Variants in STXBP5L observed in about 807,000 individuals in gnomAD.
The protein encoded by STXBP5L is syntaxin-binding protein 5-like.
Under a neutral mutation model 144.5 loss-of-function variants are expected in STXBP5L, and 65 were observed. The ratio of observed to expected loss-of-function variants is 0.45; its 90% CI spans 0.37 to 0.55. The LOEUF (loss-of-function observed/expected upper bound fraction) is 0.55, where lower values mean the gene tolerates loss of function less well. Among genes scored for constraint, STXBP5L ranks in the 20% least tolerant of loss-of-function variants. The pLI is 0.00. For synonymous variants in STXBP5L, 505 were observed against 469.6 expected (o/e 1.08, Z -0.97); for missense variants, 1,298 against 1,405.5 (o/e 0.92, Z 1.22).
At chr3:120,997,721 T>C (rs1286851259) in intron 3 of STXBP5L, among the ~76,000 whole-genome samples, 2 of 152,186 alleles carry the variant, frequency 1.3e-5, no homozygotes, top group Non-Finnish European at 2.9e-5. Context: ...TCTCATTCTG[T>C]AGATTGTCTG....
intron 3 of STXBP5L, among the ~76,000 whole-genome samples, chr3:121,034,852 T>A (rs1946645577): frequency 6.6e-6 from 1 of 152,178 alleles, no homozygotes; most frequent in South Asian, 2.1e-4. Flanking sequence ...AATGTGTAAG[T>A]GTTCCCTTTC....
Position 121,082,362 on chromosome 3 carries a change from TGTGAGTG to T in STXBP5L, c.471-32560_471-32554del, listed in dbSNP as rs143445781. Among the ~76,000 whole-genome samples the T allele has an allele frequency of 2.4e-3, 365 of 152,302 alleles. 7 individuals are homozygous for T. The East Asian group carries it at 0.06, about 25-fold the overall frequency. The stretch of plus-strand genomic sequence containing the variant: ...ATCTATACCTATGTATTTTTTTGAT[TGTGAGTG>T]GTATTTTTAAATTTTGTTTGGCACA... On this transcript the variant is annotated intron_variant, in intron 5 of 26. Transcript: ENST00000471454.
intron 20 of STXBP5L, among the ~76,000 whole-genome samples, chr3:121,335,977 C>T: frequency 6.6e-6 from 1 of 152,116 alleles, no homozygotes; most frequent in East Asian, 1.9e-4. Context: ...ACAGTGTAAA[C>T]AGACAGCCTA....
chr3:121,301,923 T>C (rs2051926534), intron 19 of STXBP5L, among the ~76,000 whole-genome samples: 1 of 152,340 alleles, frequency 6.6e-6, no homozygotes, highest in South Asian at 2.1e-4. Context: ...ATAAGCGTTT[T>C]GATGTACTGC....
intron 19 of STXBP5L, among the ~76,000 whole-genome samples, chr3:121,294,766 C>T (rs998703446): frequency 3.3e-5 from 5 of 151,896 alleles, no homozygotes; most frequent in African/African-American, 9.7e-5. Context: ...AGGAAAAGAC[C>T]TTCACAGAAG....
At chr3:120,986,594 C>G (rs1355921706) in intron 3 of STXBP5L, among the ~76,000 whole-genome samples, 1 of 151,782 alleles carries the variant, frequency 6.6e-6, no homozygotes, top group African/African-American at 2.4e-5. Flanking sequence ...TATGTAATTA[C>G]TTTCTTTGTC....
intron 2 of STXBP5L, among the ~76,000 whole-genome samples, chr3:120,944,619 G>T (rs1710748011): frequency 6.6e-6 from 1 of 151,686 alleles, no homozygotes; most frequent in African/African-American, 2.4e-5. Context: ...GTCTTACTGA[G>T]AAACTAGTAC....
chr3:121,285,150 T>C (rs1470004078), intron 19 of STXBP5L, among the ~76,000 whole-genome samples: 1 of 152,106 alleles, frequency 6.6e-6, no homozygotes, highest in Admixed American at 6.6e-5. Context: ...CCCAGTTCCA[T>C]TGATTATCTA....
chr3:121,116,436 G>T (rs1435582128), intron 6 of STXBP5L, among the ~76,000 whole-genome samples: 1 of 152,036 alleles, frequency 6.6e-6, no homozygotes, highest in Non-Finnish European at 1.5e-5. Context: ...TTTTATTAAT[G>T]ATAATTCTTT....
At chr3:121,108,004 G>A (rs573644044) in intron 5 of STXBP5L, among the ~76,000 whole-genome samples, 83 of 152,110 alleles carry the variant, frequency 5.5e-4, no homozygotes, top group Middle Eastern at 3.4e-3. Flanking sequence ...TCATGATTTG[G>A]CTCTCTGCTT....
intron 19 of STXBP5L, among the ~76,000 whole-genome samples, chr3:121,308,200 G>T (rs1354406085): frequency 6.6e-6 from 1 of 152,108 alleles, no homozygotes; most frequent in Non-Finnish European, 1.5e-5. Context: ...AAACCACCGT[G>T]GCAAACGTTT....
At chr3:121,094,704 G>A (rs941319125) in intron 5 of STXBP5L, among the ~76,000 whole-genome samples, 7 of 152,192 alleles carry the variant, frequency 4.6e-5, no homozygotes, top group Non-Finnish European at 8.8e-5. Flanking sequence ...ACAACACACT[G>A]ATGGGTCTTG....
intron 9 of STXBP5L, among the ~76,000 whole-genome samples, chr3:121,183,307 A>G (rs2047232403): frequency 6.6e-6 from 1 of 152,238 alleles, no homozygotes; most frequent in South Asian, 2.1e-4. Context: ...ATCAGACAAG[A>G]GAATAAAATG....
At chr3:121,098,501 A>G (rs1297092160) in intron 5 of STXBP5L, among the ~76,000 whole-genome samples, 2 of 152,224 alleles carry the variant, frequency 1.3e-5, no homozygotes, top group Admixed American at 1.3e-4. Context: ...ACTCTATAAG[A>G]TTAGTCATCA....
At chr3:120,992,989 C>T (rs6779451) in intron 3 of STXBP5L, among the ~76,000 whole-genome samples, 15,460 of 152,132 alleles carry the variant, frequency 0.1, 1,038 homozygotes, top group Non-Finnish European at 0.15. Flanking sequence ...TGATAATAGA[C>T]ATTTTAACTG....
intron 18 of STXBP5L, among the ~76,000 whole-genome samples, chr3:121,275,677 G>T (rs1287925650): frequency 2.6e-5 from 4 of 152,126 alleles, no homozygotes; most frequent in African/African-American, 9.6e-5. Flanking sequence ...TTCCCTTTCA[G>T]TTCTATTGGT....
At chr3:121,402,030 C>G (rs1013329438) in intron 22 of STXBP5L, among the ~76,000 whole-genome samples, 3 of 151,956 alleles carry the variant, frequency 2.0e-5, no homozygotes, top group African/African-American at 7.3e-5. Flanking sequence ...AATTTTTGAA[C>G]AAAAAGTCCC....
chr3:121,186,585 C>A (rs1442158670), intron 9 of STXBP5L, among the ~76,000 whole-genome samples: 2 of 152,252 alleles, frequency 1.3e-5, no homozygotes, highest in Middle Eastern at 3.4e-3. Flanking sequence ...TGTTTATATG[C>A]TGGATTACAT....
At chr3:121,054,610 G>T (rs1241114539) in intron 5 of STXBP5L, among the ~76,000 whole-genome samples, 1 of 104,020 alleles carries the variant, frequency 9.6e-6, no homozygotes. Flanking sequence ...GAGGGGGGAG[G>T]GATAGCATTA....
Sources: gnomAD v4.1 joint callset for allele counts (sites outside exome capture counted in the v4.1 genomes callset) on GRCh38, gnomAD v4.1.1 for gene constraint, MANE v1.5 for transcripts, NCBI Gene and HGNC (gene_info 2026-07-23, HGNC 2026-07-21) for gene names.